Variants in GOLGA5 observed in about 807,000 individuals in gnomAD.
GOLGA5 encodes golgin subfamily A member 5.
GOLGA5 carries 50 observed loss-of-function variants against 93.5 expected under a neutral mutation model. The observed-to-expected ratio is 0.53, with a 90% confidence interval of 0.43 to 0.68. The LOEUF (loss-of-function observed/expected upper bound fraction) is 0.68. Ranked by LOEUF, GOLGA5 falls within the 30% of genes least tolerant of loss-of-function variation. The pLI is 0.00. For missense variants in GOLGA5, 760 were observed against 856.4 expected (o/e 0.89, Z 1.40); for synonymous variants, 312 against 304.5 (o/e 1.02, Z -0.26).
intron 8 of GOLGA5, among the ~76,000 whole-genome samples, chr14:92,823,923 TTAAAG>T (rs201488601): frequency 3.2e-3 from 485 of 152,306 alleles, no homozygotes; most frequent in Middle Eastern, 0.014. Flanking sequence ...TAGAAATGTT[TTAAAG>T]TATTCTTTAT....
Position 92,817,402 on chromosome 14 carries a change from G to C in GOLGA5, c.1491+981G>C, listed in dbSNP as rs79987197. Among the ~76,000 whole-genome samples, 399 of 152,296 alleles carry C rather than the reference G, an allele frequency of 2.6e-3. 2 individuals are homozygous for C. The highest frequency in any genetic ancestry group is 9.1e-3 in the African/African-American group (378 of 41,574). On this transcript the variant is annotated intron_variant, in intron 7 of 12. Transcript: ENST00000163416. ...CATTCTAGTGGTTAAAAGCAAATCA[G>C]ATTTGAGCTCCTATGTGAAGCTGAG...
chr14:92,796,490 A>T (rs1214692516), intron 1 of GOLGA5, among the ~76,000 whole-genome samples: 1 of 152,060 alleles, frequency 6.6e-6, no homozygotes, highest in Non-Finnish European at 1.5e-5. Flanking sequence ...TTTGTGTTGA[A>T]ATTTCCTCCT....
At chr14:92,795,017 T>G (rs923819076) in intron 1 of GOLGA5, among the ~76,000 whole-genome samples, 2 of 152,246 alleles carry the variant, frequency 1.3e-5, no homozygotes, top group African/African-American at 2.4e-5. Flanking sequence ...ATTGCAACAT[T>G]AGTAGCAGTT....
intron 2 of GOLGA5, among the ~76,000 whole-genome samples, chr14:92,803,990 G>A (rs1438896585): frequency 1.3e-5 from 2 of 152,108 alleles, no homozygotes; most frequent in East Asian, 3.9e-4. Flanking sequence ...TTTTGGTTAT[G>A]CTGATCCTCT....
intron 3 of GOLGA5, 30 bp downstream of exon 3, chr14:92,806,993 A>T: frequency 7.1e-7 from 1 of 1,413,406 alleles, no homozygotes; most frequent in Non-Finnish European, 1.0e-6. Flanking sequence ...AGGATTAGGA[A>T]TTTAACTTTT....
intron 9 of GOLGA5, among the ~76,000 whole-genome samples, chr14:92,825,975 C>T (rs1885412525): frequency 1.3e-5 from 2 of 151,496 alleles, no homozygotes; most frequent in South Asian, 2.1e-4. Context: ...GGCAACATAG[C>T]GAGACCATCA....
chr14:92,837,430 T>C lies in GOLGA5; in HGVS notation c.2096T>C (p.Val699Ala). 6.7e-7 allele frequency: 1 copy of C among 1,484,084 alleles called. No homozygotes were observed. The highest frequency in any genetic ancestry group is 9.4e-7 in the Non-Finnish European group (1 of 1,062,436). 91.9% of individuals were successfully genotyped at this position (1,484,084 alleles called of 1,614,324 possible). Reference protein sequence around the residue: ...IFLRRYPIARVFVIIYMALLH... With the variant: ...IFLRRYPIARAFVIIYMALLH... ...CTCCGAAGATACCCCATAGCGCGAGTTTTTGTAATTATATATATGGTAAGT... is the reference window on the plus strand; with the variant it reads ...CTCCGAAGATACCCCATAGCGCGAGCTTTTGTAATTATATATATGGTAAGT... Residue 699 changes from valine to alanine, a missense_variant, in exon 12 of 13, where the codon GTT becomes GCT. Val to Ala is a moderately conservative substitution (Grantham distance 64). Transcript: ENST00000163416.
In GOLGA5 at chr14:92,837,373, T is replaced by C. The variant is rs759371845; in HGVS notation, c.2052-13T>C. The C allele has an allele frequency of 2.1e-6, 3 of 1,430,708 alleles. No individual in the cohort carries two copies. The highest frequency in any genetic ancestry group is 1.2e-5 in the South Asian group (1 of 83,964). The allele number at this position is 1,430,708 out of a possible 1,614,324, so 88.6% of individuals were successfully genotyped here. A position where few individuals can be genotyped will look rare whatever the true frequency, so the allele number is the denominator to read the frequency against. On this transcript the variant is annotated splice_polypyrimidine_tract_variant and intron_variant, in intron 11 of 12. Coordinates refer to ENST00000163416, the MANE Select transcript of GOLGA5 (RefSeq NM_005113.4). ...TTCTCTCTCCTCTCCCCCTCACACCTGTGTCTGCACAGTATTCGCCTGGGA... is the reference window on the plus strand; with the variant it reads ...TTCTCTCTCCTCTCCCCCTCACACCCGTGTCTGCACAGTATTCGCCTGGGA...
At chr14:92,799,827 G>C (rs1252897066) in intron 2 of GOLGA5, among the ~76,000 whole-genome samples, 1 of 149,430 alleles carries the variant, frequency 6.7e-6, no homozygotes, top group Non-Finnish European at 1.5e-5. Flanking sequence ...GGCTGGTCTT[G>C]AACTCCGGAC....
At chr14:92,819,036 G>C (rs1160909267) in intron 7 of GOLGA5, among the ~76,000 whole-genome samples, 1 of 152,204 alleles carries the variant, frequency 6.6e-6, no homozygotes, top group African/African-American at 2.4e-5. Context: ...GATTACTGGG[G>C]AACAGATGCA....
Position 92,833,202 on chromosome 14 carries a change from G to C in GOLGA5, c.1800G>C (p.Gln600His). Residue 600 changes from glutamine (Q) to histidine (H), a missense_variant, in exon 10 of 13, where the codon CAG becomes CAC. Gln to His is a conservative substitution (Grantham distance 24, BLOSUM62 0). Coordinates refer to ENST00000163416, the MANE Select transcript of GOLGA5 (RefSeq NM_005113.4). The stretch of plus-strand genomic sequence containing the variant: ...ATCAGCTAACAGAGACTCTCATCCA[G>C]AAACAGACCATGCTGGAGAGTCTCA... ...RLHQLTETLI[Q>H]KQTMLESLST... 6.2e-7 allele frequency: 1 copy of C among 1,613,568 alleles called. No individual in the cohort carries two copies. Among genetic ancestry groups the C allele is most frequent in the Non-Finnish European group, 8.5e-7 (1 of 1,179,464 alleles).
At chr14:92,803,483 C>T (rs983782164) in intron 2 of GOLGA5, among the ~76,000 whole-genome samples, 2 of 152,148 alleles carry the variant, frequency 1.3e-5, no homozygotes, top group Admixed American at 6.6e-5. Context: ...TTATTTATTT[C>T]CTGAACGTTT....
chr14:92,829,003 C>G, intron 9 of GOLGA5, among the ~76,000 whole-genome samples: 1 of 151,322 alleles, frequency 6.6e-6, no homozygotes, highest in East Asian at 2.0e-4. Context: ...CCCACTCTGT[C>G]ACCCAGGCTG....
chr14:92,812,532 C>T (rs181259150), intron 6 of GOLGA5, among the ~76,000 whole-genome samples: 56 of 152,300 alleles, frequency 3.7e-4, no homozygotes, highest in African/African-American at 4.3e-4. Context: ...GAATTGTGTA[C>T]GTGCTGTCTT....
chr14:92,838,505 C>A (rs982535186), intron 12 of GOLGA5, among the ~76,000 whole-genome samples: 1 of 152,024 alleles, frequency 6.6e-6, no homozygotes, highest in Non-Finnish European at 1.5e-5. Context: ...GTACCTGGGG[C>A]TACAGGCGCA....
chr14:92,830,655 A>G (rs1885512362), intron 9 of GOLGA5, among the ~76,000 whole-genome samples: 1 of 152,142 alleles, frequency 6.6e-6, no homozygotes, highest in African/African-American at 2.4e-5. Context: ...GCTGGAGTGC[A>G]GTGGTGCGAT....
At chr14:92,816,852 G>A (rs549849723) in intron 7 of GOLGA5, among the ~76,000 whole-genome samples, 41 of 152,324 alleles carry the variant, frequency 2.7e-4, no homozygotes, top group African/African-American at 9.1e-4. Flanking sequence ...GTTGCAGCCC[G>A]TGCTGGGCTA....
At chr14:92,839,213 A>C (rs150682404) in intron 12 of GOLGA5, among the ~76,000 whole-genome samples, 153 bp from the exon 13 acceptor site, 484 of 152,314 alleles carry the variant, frequency 3.2e-3, no homozygotes, top group Middle Eastern at 0.014. Flanking sequence ...CTTCCATTGC[A>C]CTGAGCTCAT....
rs2140331524 is a variant in GOLGA5 at position 92,827,028 on chromosome 14, AAAT to A, written c.1719+2389_1719+2391del. On this transcript the variant is annotated intron_variant, in intron 9 of 12. Transcript: ENST00000163416. ...AAAAACAGGTAAGCCACAGATTGGG[AAAT>A]AATATTTACTTTCTCTCTCTGTATA... Among the ~76,000 whole-genome samples the A allele has an allele frequency of 2.0e-5, 3 of 152,322 alleles. No individual in the cohort carries two copies. In the South Asian group the frequency reaches 6.2e-4, roughly 32 times the overall value.
Sources: gnomAD v4.1 joint callset for allele counts (sites outside exome capture counted in the v4.1 genomes callset) on GRCh38, gnomAD v4.1.1 for gene constraint, MANE v1.5 for transcripts, NCBI Gene and HGNC (gene_info 2026-07-23, HGNC 2026-07-21) for gene names.